EIF2B3: variants seen among roughly 807,000 people sequenced by gnomAD.
EIF2B3 encodes the protein eukaryotic translation initiation factor 2B subunit gamma.
In EIF2B3, 20 loss-of-function variants were observed where a neutral mutation model predicts 54.1. The observed-to-expected ratio is 0.37, with a 90% CI of 0.26 to 0.54. EIF2B3 has a LOEUF of 0.54. Ranked by LOEUF, EIF2B3 falls within the 20% of genes least tolerant of loss-of-function variation. The probability of loss-of-function intolerance (pLI) is 0.86; values close to 1 mark genes in which losing one functional copy is unlikely to be tolerated. For missense variants in EIF2B3, 448 were observed against 547.8 expected, an observed-to-expected ratio of 0.82 and a Z score of 1.82; for synonymous variants, 153 against 188.1, an observed-to-expected ratio of 0.81 and a Z score of 1.52.
At chr1:44,868,433 T>G (rs1370981086) in intron 10 of EIF2B3, among the ~76,000 whole-genome samples, 1 of 147,294 alleles carries the variant, frequency 6.8e-6, no homozygotes, top group Non-Finnish European at 1.5e-5. Flanking sequence ...AAAGCTGTAG[T>G]GTCTTAGGGA....
intron 5 of EIF2B3, among the ~76,000 whole-genome samples, chr1:44,917,931 G>A (rs1260544030): frequency 1.3e-5 from 2 of 149,974 alleles, no homozygotes; most frequent in South Asian, 2.1e-4. Context: ...CTGCCACCAC[G>A]CCCGGCTAAT....
In EIF2B3 at chr1:44,891,826, T is replaced by A. The variant is rs2148911763; in HGVS notation, c.656+5529A>T. ...GTGTGAGGAGGTATCATGTCTGAGG[T>A]ACTATGCTAGGAAAATAATACAGAT... is the stretch of plus-strand genomic sequence containing the variant. On this transcript the variant is annotated intron_variant, in intron 6 of 11. Transcript: ENST00000360403. 3.9e-5 allele frequency among the ~76,000 whole-genome samples: 6 copies of A among 152,296 alleles called. No homozygotes were observed. In the South Asian group the frequency reaches 1.2e-3, roughly 32 times the overall value.
At chr1:44,952,599 C>G (rs1375281569) in intron 3 of EIF2B3, among the ~76,000 whole-genome samples, 1 of 148,766 alleles carries the variant, frequency 6.7e-6, no homozygotes, top group East Asian at 2.0e-4. Context: ...GTCACCCAGG[C>G]TAGAGTGCAG....
At chr1:44,962,626 G>T (rs939876757) in intron 3 of EIF2B3, among the ~76,000 whole-genome samples, 3 of 152,214 alleles carry the variant, frequency 2.0e-5, no homozygotes, top group East Asian at 1.9e-4. Context: ...TCTTGCCCAG[G>T]TTGGCCTCAA....
At chr1:44,985,556 A>G (rs973882640) in intron 1 of EIF2B3, among the ~76,000 whole-genome samples, 8 of 152,230 alleles carry the variant, frequency 5.3e-5, no homozygotes, top group Non-Finnish European at 8.8e-5. Flanking sequence ...TCAAAGTGGA[A>G]TGAGGACCTG....
intron 2 of EIF2B3, among the ~76,000 whole-genome samples, chr1:44,980,255 G>C (rs1272423254): frequency 3.3e-5 from 5 of 152,074 alleles, no homozygotes. Context: ...ACGAGGTCCT[G>C]AGATCGAGAC....
intron 5 of EIF2B3, among the ~76,000 whole-genome samples, chr1:44,912,591 T>A (rs1438598682): frequency 6.6e-6 from 1 of 152,160 alleles, no homozygotes; most frequent in Admixed American, 6.6e-5. Flanking sequence ...ATTCTCGGCA[T>A]ATAGGATTCA....
In EIF2B3 at chr1:44,920,819, T is replaced by C. The variant is rs142097134; in HGVS notation, c.566+5809A>G. ...TGGACGCTTAGGTTGCTTCCAAACC[T>C]TGGCTATTGTGAACAGTGCTGCAAT... On this transcript the variant is annotated intron_variant, in intron 5 of 11. Transcript: ENST00000360403. Among the ~76,000 whole-genome samples, 4 of 152,360 alleles carry C rather than the reference T, an allele frequency of 2.6e-5. No homozygotes were observed. In the East Asian group the frequency reaches 5.8e-4, roughly 22 times the overall value.
intron 1 of EIF2B3, among the ~76,000 whole-genome samples, chr1:44,983,219 T>C (rs959890944): frequency 6.6e-6 from 1 of 152,242 alleles, no homozygotes; most frequent in Non-Finnish European, 1.5e-5. Context: ...TGACCGATCT[T>C]TACTGATTTA....
At chr1:44,939,318 G>C (rs573230639) in intron 4 of EIF2B3, among the ~76,000 whole-genome samples, 1 of 152,114 alleles carries the variant, frequency 6.6e-6, no homozygotes, top group Admixed American at 6.6e-5. Flanking sequence ...AAAGTTACCA[G>C]TATACATCAT....
chr1:44,976,212 G>A (rs577752851), intron 3 of EIF2B3, among the ~76,000 whole-genome samples: 3 of 152,196 alleles, frequency 2.0e-5, no homozygotes, highest in African/African-American at 7.2e-5. Flanking sequence ...TCTCACAAAC[G>A]ACTTGCATCT....
At position 44,874,921 on chromosome 1, in the gene EIF2B3, C is replaced by CAG; in HGVS notation, c.1054-96_1054-95insCT. On this transcript the variant is annotated intron_variant, in intron 9 of 11. Coordinates refer to ENST00000360403, the MANE Select transcript of EIF2B3 (RefSeq NM_020365.5). ...CAAGCTGGGATCTAATGGGATCTTTCCATAGAGACACTTCAGCAAGAGGGA... is the reference window on the plus strand; with the variant it reads ...CAAGCTGGGATCTAATGGGATCTTTCAGCATAGAGACACTTCAGCAAGAGGGA... 4 of 1,469,590 alleles carry CAG rather than the reference C, an allele frequency of 2.7e-6. No individual in the cohort carries two copies. The South Asian group carries it at 4.6e-5, about 17-fold the overall frequency. The allele number at this position is 1,469,590 out of a possible 1,614,324, so 91.0% of individuals were successfully genotyped here.
intron 5 of EIF2B3, among the ~76,000 whole-genome samples, chr1:44,910,223 AG>A (rs1054125640): frequency 2.0e-5 from 3 of 152,124 alleles, no homozygotes; most frequent in African/African-American, 7.2e-5. Flanking sequence ...TTAGAGCTGG[AG>A]GGGGGTTTCT....
At chr1:44,877,212 A>AAAAAC (rs1557666561) in intron 8 of EIF2B3, among the ~76,000 whole-genome samples, 8 of 148,166 alleles carry the variant, frequency 5.4e-5, no homozygotes, top group Admixed American at 1.3e-4. Flanking sequence ...AAAAAAAAAA[A>AAAAAC]AAAAAAAAAA....
intron 10 of EIF2B3, among the ~76,000 whole-genome samples, chr1:44,859,388 G>A (rs1281777553): frequency 1.3e-5 from 2 of 152,152 alleles, no homozygotes; most frequent in Non-Finnish European, 2.9e-5. Flanking sequence ...TGGGTGCGGT[G>A]GCTCATGCCT....
At chr1:44,902,605 C>A (rs1643329438) in intron 5 of EIF2B3, among the ~76,000 whole-genome samples, 1 of 151,906 alleles carries the variant, frequency 6.6e-6, no homozygotes, top group Non-Finnish European at 1.5e-5. Context: ...GAGGACTGCT[C>A]AAGCTCAGGA....
intron 10 of EIF2B3, among the ~76,000 whole-genome samples, chr1:44,862,472 A>G (rs1654639177): frequency 6.6e-6 from 1 of 152,184 alleles, no homozygotes; most frequent in African/African-American, 2.4e-5. Flanking sequence ...CCTGAGGAAG[A>G]AGGCTAACTG....
At chr1:44,978,533 T>C in intron 2 of EIF2B3, 73 bp from the exon 3 acceptor site, 3 of 1,526,970 alleles carry the variant, frequency 2.0e-6, no homozygotes, top group Admixed American at 3.5e-5. Context: ...TTATTTCAAT[T>C]AGATTTGGTC....
intron 3 of EIF2B3, among the ~76,000 whole-genome samples, chr1:44,951,791 C>CTTTTTT (rs59135544): frequency 1.4e-5 from 2 of 140,038 alleles, no homozygotes; most frequent in East Asian, 4.2e-4. Flanking sequence ...CTCCCTTCCT[C>CTTTTTT]TTTTTTTTTT....
Sources: gnomAD v4.1 joint callset for allele counts (sites outside exome capture counted in the v4.1 genomes callset) on GRCh38, gnomAD v4.1.1 for gene constraint, MANE v1.5 for transcripts, NCBI Gene and HGNC (gene_info 2026-07-23, HGNC 2026-07-21) for gene names.